SLC28A1: variants seen among roughly 807,000 people sequenced by gnomAD.
The protein encoded by SLC28A1 is solute carrier family 28 member 1.
A neutral mutation model predicts 74.8 loss-of-function variants in SLC28A1; 64 were observed. That is an observed-to-expected ratio of 0.86 (90% CI 0.70 to 1.05). The LOEUF (loss-of-function observed/expected upper bound fraction) is 1.05, where lower values mean the gene tolerates loss of function less well. Among genes scored for constraint, SLC28A1 ranks in the 50% least tolerant of loss-of-function variants. The probability of loss-of-function intolerance (pLI) is 0.00; values close to 1 mark genes in which losing one functional copy is unlikely to be tolerated. For missense variants in SLC28A1, 828 were observed against 822.8 expected, an observed-to-expected ratio of 1.01 and a Z score of -0.08; for synonymous variants, 359 against 335.0, an observed-to-expected ratio of 1.07 and a Z score of -0.78.
the SLC28A1 span, among the ~76,000 whole-genome samples, chr15:84,970,516 G>T: frequency 9.2e-5 from 14 of 152,320 alleles, 1 homozygote; most frequent in East Asian, 2.5e-3. Context: ...AACGAACTGT[G>T]TCTTTTACGG....
At chr15:84,911,646 G>A (rs1311270896) in intron 9 of SLC28A1, among the ~76,000 whole-genome samples, 1 of 152,152 alleles carries the variant, frequency 6.6e-6, no homozygotes, top group South Asian at 2.1e-4. Context: ...TCGATCGCTT[G>A]AGTTCAGGAG....
downstream of SLC28A1, among the ~76,000 whole-genome samples, chr15:84,950,605 G>T (rs1257430441): frequency 6.6e-6 from 1 of 152,112 alleles, no homozygotes; most frequent in African/African-American, 2.4e-5. Context: ...TACTCACGAG[G>T]TTGAGGTGGG....
intron 15 of SLC28A1, 151 bp downstream of exon 15, chr15:84,935,669 A>T: frequency 1.5e-6 from 1 of 686,172 alleles, no homozygotes; most frequent in Non-Finnish European, 2.5e-6. Flanking sequence ...CCTGGGAGAC[A>T]GGACAGCTTC....
rs765555135 is a variant in SLC28A1 at position 84,904,166 on chromosome 15, G to C, written c.531G>C (p.Glu177Asp). ...CTCTGGACACCTCCCAGCGGCCTGAGCAACTGGTGTCCTTCGCAGGAATCT... is the reference window on the plus strand; with the variant it reads ...CTCTGGACACCTCCCAGCGGCCTGACCAACTGGTGTCCTTCGCAGGAATCT... ...WLSLDTSQRP[E>D]QLVSFAGICV... is the part of the protein sequence containing the mutation. Residue 177 changes from glutamate (E) to aspartate (D), a missense_variant, in exon 7 of 19, where the codon GAG becomes GAC. Transcript: ENST00000394573. The C allele has an allele frequency of 6.2e-7, 1 of 1,614,230 alleles. No individual in the cohort carries two copies. Among genetic ancestry groups the C allele is most frequent in the Non-Finnish European group, 8.5e-7 (1 of 1,180,044 alleles).
rs750902935 is a variant in SLC28A1, at chr15:84,944,778, G to A, written c.1785G>A (p.Gly595=). 4 of 1,614,026 alleles carry A rather than the reference G, an allele frequency of 2.5e-6. No homozygotes were observed. Among genetic ancestry groups the A allele is most frequent in the Admixed American group, 3.3e-5 (2 of 60,026 alleles). The change falls in exon 18 of 19, where the codon GGG becomes GGA. Residue 595 remains glycine, a synonymous_variant. Transcript: ENST00000394573. The part of the protein sequence containing the change: ...CMAGILYMPR[G]AEVDCMSLLN... ...CAGGGATCCTCTACATGCCCAGGGG[G>A]GCTGAAGTTGACTGCATGTCCCTCT...
chr15:84,925,291 C>CAG (rs1333284040), intron 12 of SLC28A1, among the ~76,000 whole-genome samples: 1 of 151,884 alleles, frequency 6.6e-6, no homozygotes, highest in Non-Finnish European at 1.5e-5. Context: ...GTCAGCATCA[C>CAG]CTGCGAACTT....
chr15:84,907,671 A>T (rs924816588), intron 8 of SLC28A1, among the ~76,000 whole-genome samples: 1 of 152,146 alleles, frequency 6.6e-6, no homozygotes, highest in African/African-American at 2.4e-5. Context: ...ACACCTGGCT[A>T]ATTTTTGTAT....
the SLC28A1 span, among the ~76,000 whole-genome samples, chr15:84,967,125 C>G: frequency 4.6e-5 from 7 of 152,162 alleles, no homozygotes; most frequent in African/African-American, 1.7e-4. Context: ...TATCTACGAC[C>G]TGCAGCTGCA....
At chr15:84,946,085 CATATATATATATAT>C (rs1352839442), downstream of SLC28A1, among the ~76,000 whole-genome samples, 3 of 23,952 alleles carry the variant, frequency 1.3e-4, no homozygotes, top group Admixed American at 6.3e-4. Flanking sequence ...TGTGTATGTT[CATATATATATATAT>C]ATATATATAT....
intron 12 of SLC28A1, among the ~76,000 whole-genome samples, chr15:84,925,678 C>T (rs532992925): frequency 3.9e-5 from 6 of 152,206 alleles, no homozygotes; most frequent in Admixed American, 1.3e-4. Context: ...TGATGCCCGC[C>T]CAATTTGAGA....
At chr15:84,913,358 T>C (rs1968616788) in intron 9 of SLC28A1, among the ~76,000 whole-genome samples, 1 of 147,526 alleles carries the variant, frequency 6.8e-6, no homozygotes, top group Non-Finnish European at 1.5e-5. Flanking sequence ...CTGGCTCAGC[T>C]TCCTCCAGGG....
At chr15:84,950,883 A>G in the SLC28A1 span, among the ~76,000 whole-genome samples, 1 of 152,056 alleles carries the variant, frequency 6.6e-6, no homozygotes, top group African/African-American at 2.4e-5. Flanking sequence ...CGTGGGCCAT[A>G]TTGCCGTGTT....
intron 6 of SLC28A1, among the ~76,000 whole-genome samples, chr15:84,902,738 T>TC (rs1966808562): frequency 6.6e-6 from 1 of 151,934 alleles, no homozygotes; most frequent in Admixed American, 6.6e-5. Context: ...TAAGTTTTTT[T>TC]TTTTTTTTTG....
intron 9 of SLC28A1, among the ~76,000 whole-genome samples, chr15:84,917,118 A>G (rs953684497): frequency 2.0e-5 from 3 of 152,096 alleles, no homozygotes; most frequent in African/African-American, 7.2e-5. Context: ...GCCCCAGCAC[A>G]TAGAAACAAA....
intron 15 of SLC28A1, chr15:84,939,576 A>G (rs1386450008): frequency 6.6e-6 from 1 of 152,026 alleles, no homozygotes; most frequent in East Asian, 1.9e-4. Context: ...CTTTTCTGTT[A>G]TTGCCCTTTA....
intron 6 of SLC28A1, among the ~76,000 whole-genome samples, chr15:84,898,496 G>A (rs929182152): frequency 1.3e-5 from 2 of 151,530 alleles, no homozygotes; most frequent in Non-Finnish European, 2.9e-5. Context: ...GGAGAATGGT[G>A]TGAACCCAGG....
intron 10 of SLC28A1, among the ~76,000 whole-genome samples, chr15:84,920,221 G>A (rs1204636749): frequency 6.6e-6 from 1 of 152,158 alleles, no homozygotes; most frequent in Non-Finnish European, 1.5e-5. Flanking sequence ...CAAGGCAGAC[G>A]GATCACCTGA....
At chr15:84,963,671 C>T in the SLC28A1 span, among the ~76,000 whole-genome samples, 5 of 152,188 alleles carry the variant, frequency 3.3e-5, no homozygotes, top group African/African-American at 1.2e-4. Flanking sequence ...CAGGCCAGTC[C>T]ATGATGGGGT....
chr15:84,902,118 G>A (rs554725261), intron 6 of SLC28A1, among the ~76,000 whole-genome samples: 21 of 152,208 alleles, frequency 1.4e-4, no homozygotes, highest in African/African-American at 4.8e-4. Context: ...AAAAGGACAC[G>A]TACTGTATGG....
Sources: gnomAD v4.1 joint callset for allele counts (sites outside exome capture counted in the v4.1 genomes callset) on GRCh38, gnomAD v4.1.1 for gene constraint, MANE v1.5 for transcripts, NCBI Gene and HGNC (gene_info 2026-07-23, HGNC 2026-07-21) for gene names.